The following PSMG2 variants were observed in gnomAD, a reference collection of about 807,000 sequenced individuals.
The protein encoded by PSMG2 is proteasome assembly chaperone 2, also known as CD40 ligand-activated specific transcript 3.
Under a neutral mutation model 31.5 loss-of-function variants are expected in PSMG2, and 21 were observed. That is an observed-to-expected ratio of 0.67 (90% CI 0.47 to 0.96). The LOEUF is 0.96. Among genes scored for constraint, PSMG2 ranks in the 40% least tolerant of loss-of-function variants. The pLI, the probability that PSMG2 is intolerant of heterozygous loss-of-function variation, is 0.00. For missense variants in PSMG2, 318 were observed against 321.2 expected (o/e 0.99, Z 0.08); for synonymous variants, 120 against 110.4 (o/e 1.09, Z -0.54).
intron 3 of PSMG2, among the ~76,000 whole-genome samples, chr18:12,714,397 A>G (rs548696868): frequency 2.3e-4 from 34 of 151,038 alleles, no homozygotes; most frequent in African/African-American, 8.0e-4. Context: ...GCCGAAATTC[A>G]TTTTCTTAGA....
intron 1 of PSMG2, among the ~76,000 whole-genome samples, chr18:12,690,364 T>G (rs1027935644): frequency 3.9e-5 from 6 of 152,198 alleles, no homozygotes; most frequent in African/African-American, 1.4e-4. Context: ...ACACTATACT[T>G]ATATGAAAGC....
At chr18:12,710,208 C>G (rs563810362) in intron 2 of PSMG2, among the ~76,000 whole-genome samples, 4 of 152,078 alleles carry the variant, frequency 2.6e-5, no homozygotes, top group Non-Finnish European at 4.4e-5. Context: ...TCCCAAAGTG[C>G]TGGGATTACA....
chr18:12,706,583 G>C lies in PSMG2; in HGVS notation c.91G>C (p.Ala31Pro). 1 of 1,614,074 alleles carries C rather than the reference G, an allele frequency of 6.2e-7. No individual in the cohort carries two copies. The highest frequency in any genetic ancestry group is 1.3e-5 in the African/African-American group (1 of 75,062). ...AVSVGNVGQL[A>P]MDLIISTLNM... ...ATCTGTTGGAAATGTTGGCCAGCTT[G>C]CAATGGATCTGATTATTTCTACACT... The change falls in exon 2 of 7, where the codon GCA (alanine) becomes CCA (proline). Residue 31 changes from alanine (A) to proline (P), a missense_variant. Coordinates refer to ENST00000317615, the MANE Select transcript of PSMG2 (RefSeq NM_020232.5).
At chr18:12,720,074 TCTCA>T (rs978552252) in intron 4 of PSMG2, among the ~76,000 whole-genome samples, 1 of 148,618 alleles carries the variant, frequency 6.7e-6, no homozygotes, top group Non-Finnish European at 1.5e-5. Flanking sequence ...GGGGATGGAG[TCTCA>T]CTCTGTCACC....
intron 1 of PSMG2, chr18:12,691,321 A>G (rs1422109860): frequency 1.5e-6 from 2 of 1,377,326 alleles, no homozygotes; most frequent in Non-Finnish European, 2.0e-6. Flanking sequence ...GTAAATCTCA[A>G]ATACAGGCAT....
upstream of PSMG2, among the ~76,000 whole-genome samples, chr18:12,701,408 A>C (rs1316908025): frequency 6.6e-6 from 1 of 152,208 alleles, no homozygotes; most frequent in African/African-American, 2.4e-5. Flanking sequence ...AGGCAGATCA[A>C]AGTATGATCT....
chr18:12,677,042 T>A (rs1034380030), intron 1 of PSMG2, among the ~76,000 whole-genome samples: 1 of 152,252 alleles, frequency 6.6e-6, no homozygotes, highest in African/African-American at 2.4e-5. Flanking sequence ...AATCTCTTAA[T>A]GTCTTCTCTT....
At chr18:12,662,478 G>A (rs773037488) in intron 1 of PSMG2, among the ~76,000 whole-genome samples, 6 of 152,124 alleles carry the variant, frequency 3.9e-5, no homozygotes, top group African/African-American at 9.7e-5. Context: ...CACAGAGAGC[G>A]AGAATAAAGT....
At chr18:12,676,326 C>T (rs1368882625) in intron 1 of PSMG2, among the ~76,000 whole-genome samples, 1 of 148,864 alleles carries the variant, frequency 6.7e-6, no homozygotes, top group Non-Finnish European at 1.5e-5. Context: ...CTCTGTCACC[C>T]AGGCTGGAGT....
At chr18:12,697,413 C>T in intron 1 of PSMG2, 1 of 1,588,604 alleles carries the variant, frequency 6.3e-7, no homozygotes, top group Non-Finnish European at 8.6e-7. Context: ...CATCACCTAG[C>T]AATATAATCC....
chr18:12,703,067 C>T lies in PSMG2; in HGVS notation c.-41C>T, dbSNP rs757695941. On this transcript the variant is annotated 5_prime_UTR_variant, in exon 1 of 7. Coordinates refer to ENST00000317615, the MANE Select transcript of PSMG2 (RefSeq NM_020232.5). ...GCCTTCTTGCTGCCCTCGTTCTTGC[C>T]AGGGCCGCGGTTAGTCCCTGCTGGC... is the stretch of plus-strand genomic sequence containing the variant. 8.1e-6 allele frequency: 13 copies of T among 1,601,856 alleles called. No homozygotes were observed. The South Asian group carries it at 1.0e-4, about 12-fold the overall frequency.
At chr18:12,719,015 C>T (rs1048162976) in intron 4 of PSMG2, among the ~76,000 whole-genome samples, 4 of 152,148 alleles carry the variant, frequency 2.6e-5, no homozygotes, top group Admixed American at 6.5e-5. Flanking sequence ...CAGTTATTTC[C>T]ATATGTTACC....
chr18:12,716,417 G>A (rs138703664), intron 3 of PSMG2, among the ~76,000 whole-genome samples: 3,740 of 140,196 alleles, frequency 0.027, 171 homozygotes, highest in African/African-American at 0.095. Context: ...TTTTTGAGAC[G>A]GAGTCTCGCC....
intron 1 of PSMG2, among the ~76,000 whole-genome samples, chr18:12,664,605 A>G (rs767731048): frequency 3.3e-5 from 5 of 151,758 alleles, no homozygotes; most frequent in Non-Finnish European, 7.4e-5. Flanking sequence ...AGCTGGTCTC[A>G]AATTCCTGGG....
chr18:12,668,392 G>A (rs924635870), intron 1 of PSMG2, among the ~76,000 whole-genome samples: 18 of 151,728 alleles, frequency 1.2e-4, no homozygotes, highest in African/African-American at 4.4e-4. Flanking sequence ...AGGAGTTTGA[G>A]ACCAGCCTGC....
chr18:12,699,054 A>G, upstream of PSMG2: 1 of 1,614,178 alleles, frequency 6.2e-7, no homozygotes, highest in Non-Finnish European at 8.5e-7. Flanking sequence ...ACAGGTTTAG[A>G]ACGAAAACGT....
In PSMG2 at chr18:12,661,321, A is replaced by G. The variant is rs149598287; in HGVS notation, c.-37+2548A>G. 3.0e-5 allele frequency: 29 copies of G among 978,930 alleles called. No homozygotes were observed. The African/African-American group carries it at 4.7e-4, about 16-fold the overall frequency. 60.6% of individuals were successfully genotyped at this position (978,930 alleles called of 1,614,324 possible). A position where few individuals can be genotyped will look rare whatever the true frequency, so the allele number is the denominator to read the frequency against. ...GAGCCTTCATCTCAAAAAAGAAGAA[A>G]AAAAATTGATAAGCCTTACCGTCAT... On this transcript the variant is annotated intron_variant, in intron 1 of 6. Transcript: ENST00000585331.
chr18:12,678,115 G>A (rs955716836), intron 1 of PSMG2: 1 of 1,608,972 alleles, frequency 6.2e-7, no homozygotes, highest in Non-Finnish European at 8.5e-7. Flanking sequence ...TTACCTTCCT[G>A]TGTTCTGACA....
intron 1 of PSMG2, chr18:12,684,477 AGTTTTTT>A (rs1337507619): frequency 2.3e-5 from 3 of 131,408 alleles, no homozygotes; most frequent in Admixed American, 7.4e-5. Flanking sequence ...GGCTAAAGAT[AGTTTTTT>A]GTTTTTTTTT....
Sources: gnomAD v4.1 joint callset for allele counts (sites outside exome capture counted in the v4.1 genomes callset) on GRCh38, gnomAD v4.1.1 for gene constraint, MANE v1.5 for transcripts, NCBI Gene and HGNC (gene_info 2026-07-23, HGNC 2026-07-21) for gene names.